CD1A: variants seen among roughly 807,000 people sequenced by gnomAD.
The protein encoded by CD1A is T-cell surface glycoprotein CD1a.
CD1A carries 50 observed loss-of-function variants against 38.3 expected under a neutral mutation model. That is an observed-to-expected ratio of 1.30 (90% CI 1.04 to 1.65). The LOEUF is 1.65. CD1A is among the 40% of genes most tolerant of loss of function. The pLI, the probability that CD1A is intolerant of heterozygous loss-of-function variation, is 0.00. For synonymous variants in CD1A, 160 were observed against 150.8 expected, an observed-to-expected ratio of 1.06 and a Z score of -0.45; for missense variants, 459 against 406.1, an observed-to-expected ratio of 1.13 and a Z score of -1.12.
chr1:158,250,840 C>G (rs934626414), upstream of CD1A, among the ~76,000 whole-genome samples: 6 of 152,144 alleles, frequency 3.9e-5, no homozygotes, highest in Admixed American at 6.5e-5. Context: ...TTTAAAAGAG[C>G]TTTTTAAGGA....
chr1:158,250,423 A>G (rs148084179), upstream of CD1A, among the ~76,000 whole-genome samples: 172 of 152,356 alleles, frequency 1.1e-3, no homozygotes, highest in African/African-American at 4.0e-3. Flanking sequence ...GGCATCAACT[A>G]TGATGCTGCA....
chr1:158,257,567 C>T (rs1650303711), intron 5 of CD1A, 56 bp downstream of exon 5: 1 of 1,578,718 alleles, frequency 6.3e-7, no homozygotes, highest in Non-Finnish European at 8.7e-7. Context: ...CTTTTCTTCC[C>T]ATGTTTTTTG....
chr1:158,256,534 G>T (rs898851693), intron 3 of CD1A, among the ~76,000 whole-genome samples: 1 of 152,146 alleles, frequency 6.6e-6, no homozygotes, highest in Non-Finnish European at 1.5e-5. Flanking sequence ...GCCAGTCATG[G>T]TGGTACACAC....
rs1650302041 is a variant in CD1A at position 158,257,513 on chromosome 1, TG to T, written c.974+3del. 3.7e-6 allele frequency: 6 copies of T among 1,612,396 alleles called. No homozygotes were observed. Among genetic ancestry groups the T allele is most frequent in the Non-Finnish European group, 5.1e-6 (6 of 1,178,518 alleles). ...TGCGCTTTGGTTCAGGAAACGCTGGTGAGTTCTTTGCATGTGTCTTTCCTAC... is the reference window on the plus strand; with the variant it reads ...TGCGCTTTGGTTCAGGAAACGCTGGTAGTTCTTTGCATGTGTCTTTCCTAC... On this transcript the variant is annotated splice_donor_region_variant and intron_variant, in intron 5 of 5. Coordinates refer to ENST00000289429, the MANE Select transcript of CD1A (RefSeq NM_001763.3).
At chr1:158,252,050 C>T (rs545784072), upstream of CD1A, among the ~76,000 whole-genome samples, 4 of 151,862 alleles carry the variant, frequency 2.6e-5, no homozygotes, top group Non-Finnish European at 4.4e-5. Flanking sequence ...AGGTTGGTCT[C>T]GAACTCCTGA....
chr1:158,256,605 G>A (rs1387586760), intron 3 of CD1A, among the ~76,000 whole-genome samples, 181 bp from the exon 4 acceptor site: 1 of 151,902 alleles, frequency 6.6e-6, no homozygotes, highest in Non-Finnish European at 1.5e-5. Flanking sequence ...AACAGTTTGA[G>A]GTTACAGTGA....
At chr1:158,257,614 T>G in intron 5 of CD1A, 67 bp from the exon 6 acceptor site, 2 of 1,582,330 alleles carry the variant, frequency 1.3e-6, no homozygotes, top group Non-Finnish European at 1.7e-6. Context: ...CCAGTCCCCT[T>G]CCCTCTTGCT....
intron 4 of CD1A, 124 bp downstream of exon 4, chr1:158,257,188 T>G: frequency 7.8e-7 from 1 of 1,287,910 alleles, no homozygotes; most frequent in Non-Finnish European, 1.1e-6. Flanking sequence ...AAATAGATAA[T>G]CTAAGAAATG....
Position 158,256,054 on chromosome 1 carries a change from G to A in CD1A, c.376G>A (p.Val126Ile). ...AGGCTGTGAGCTGCACTCTGGAAAG[G>A]TCTCAGGAAGCTTCTTGCAGTTAGC... Reference protein sequence around the residue: ...TGGCELHSGKVSGSFLQLAYQ... With the variant: ...TGGCELHSGKISGSFLQLAYQ... The change falls in exon 3 of 6, where the codon GTC becomes ATC. Residue 126 changes from valine to isoleucine, a missense_variant. Transcript: ENST00000289429. 1 of 1,614,130 alleles carries A rather than the reference G, an allele frequency of 6.2e-7. No individual in the cohort carries two copies.
chr1:158,254,814 T>G, intron 1 of CD1A, 87 bp downstream of exon 1: 1 of 922,756 alleles, frequency 1.1e-6, no homozygotes, highest in Non-Finnish European at 1.8e-6. Flanking sequence ...TGTGTGTGTG[T>G]GTGTGTGTGT....
At chr1:158,257,105 T>C in intron 4 of CD1A, 41 bp downstream of exon 4, 2 of 1,572,936 alleles carry the variant, frequency 1.3e-6, no homozygotes, top group Non-Finnish European at 1.7e-6. Context: ...TGCCAGGAAG[T>C]GGACCTCAGG....
upstream of CD1A, chr1:158,254,134 A>G (rs1348926330): frequency 3.2e-6 from 3 of 951,914 alleles, no homozygotes; most frequent in African/African-American, 1.9e-5. Flanking sequence ...GTACTGTCGC[A>G]CAGGGCAGTC....
upstream of CD1A, among the ~76,000 whole-genome samples, chr1:158,252,572 T>C (rs1650117724): frequency 6.6e-6 from 1 of 152,230 alleles, no homozygotes; most frequent in Non-Finnish European, 1.5e-5. Context: ...ATAATCTGGC[T>C]TCAAAAAATT....
At chr1:158,255,692 A>G (rs1242823202) in intron 2 of CD1A, among the ~76,000 whole-genome samples, 1 of 152,026 alleles carries the variant, frequency 6.6e-6, no homozygotes, top group Non-Finnish European at 1.5e-5. Context: ...CTCTATATAT[A>G]CTCAATTGTA....
the CD1A span, among the ~76,000 whole-genome samples, chr1:158,248,862 G>A: frequency 6.6e-6 from 1 of 152,046 alleles, no homozygotes; most frequent in Non-Finnish European, 1.5e-5. Flanking sequence ...ACTCAGGAGT[G>A]GAGTTGGCTG....
At position 158,255,308 on chromosome 1, in the gene CD1A, T is replaced by G. The variant is rs1650220235; in HGVS notation, c.283T>G (p.Phe95Val). ...TLFRIRTIRS[F>V]EGIRRYAHEL... is the part of the protein sequence containing the mutation. ...ATTCCGTATACGCACCATTCGGTCATTTGAGGGAATTCGTAGATACGCCCA... is the reference window on the plus strand; with the variant it reads ...ATTCCGTATACGCACCATTCGGTCAGTTGAGGGAATTCGTAGATACGCCCA... The change falls in exon 2 of 6, where the codon TTT (phenylalanine) becomes GTT (valine). Residue 95 changes from phenylalanine (F) to valine (V), a missense_variant. Physicochemically the swap from Phe to Val is conservative, Grantham distance 50. Coordinates refer to ENST00000289429, the MANE Select transcript of CD1A (RefSeq NM_001763.3). 6.2e-7 allele frequency: 1 copy of G among 1,614,030 alleles called. No individual in the cohort carries two copies. The highest frequency in any genetic ancestry group is 8.5e-7 in the Non-Finnish European group (1 of 1,180,020).
upstream of CD1A, among the ~76,000 whole-genome samples, chr1:158,252,186 T>C (rs1650109282): frequency 6.6e-6 from 1 of 151,596 alleles, no homozygotes; most frequent in African/African-American, 2.4e-5. Context: ...TGGGACTTAC[T>C]ACCCTTCCCA....
In CD1A at chr1:158,255,288, G is replaced by T; in HGVS notation, c.263G>T (p.Arg88Leu). The stretch of plus-strand genomic sequence containing the variant: ...TGGAAGGAACTGGAAACATTATTCC[G>T]TATACGCACCATTCGGTCATTTGAG... ...EEWKELETLF[R>L]IRTIRSFEGI... is the part of the protein sequence containing the mutation. The change falls in exon 2 of 6, where the codon CGT becomes CTT. Residue 88 changes from arginine (R) to leucine (L), a missense_variant. Physicochemically the swap from Arg to Leu is moderately radical, Grantham distance 102 (BLOSUM62 -2). Transcript: ENST00000289429. 3 of 1,614,120 alleles carry T rather than the reference G, an allele frequency of 1.9e-6. No individual in the cohort carries two copies. The highest frequency in any genetic ancestry group is 2.5e-6 in the Non-Finnish European group (3 of 1,180,008).
chr1:158,254,373 C>T (rs776313165), upstream of CD1A: 111 of 1,237,124 alleles, frequency 9.0e-5, no homozygotes, highest in Non-Finnish European at 1.0e-4. Context: ...AGTGGCTTTT[C>T]AATGCCACAT....
Sources: gnomAD v4.1 joint callset for allele counts (sites outside exome capture counted in the v4.1 genomes callset) on GRCh38, gnomAD v4.1.1 for gene constraint, MANE v1.5 for transcripts, NCBI Gene and HGNC (gene_info 2026-07-23, HGNC 2026-07-21) for gene names.